GPHN: variants seen among roughly 807,000 people sequenced by gnomAD.
GPHN encodes gephyrin.
In GPHN, 17 loss-of-function variants were observed where a neutral mutation model predicts 95.5. The ratio of observed to expected loss-of-function variants is 0.18; its 90% CI spans 0.12 to 0.27. The LOEUF (loss-of-function observed/expected upper bound fraction) is 0.27, where lower values mean the gene tolerates loss of function less well. Among genes scored for constraint, GPHN ranks in the 10% least tolerant of loss-of-function variants. The pLI is 1.00. For missense variants in GPHN, 660 were observed against 978.1 expected (o/e 0.67, Z 4.34); for synonymous variants, 320 against 322.5 (o/e 0.99, Z 0.08).
At chr14:67,286,771 C>T in the GPHN span, among the ~76,000 whole-genome samples, 1 of 147,400 alleles carries the variant, frequency 6.8e-6, no homozygotes, top group African/African-American at 2.5e-5. Context: ...GTGGGAGGAT[C>T]GCTGGAACCT....
At chr14:66,641,654 C>CAA (rs74268127) in intron 1 of GPHN, among the ~76,000 whole-genome samples, 193 of 100,578 alleles carry the variant, frequency 1.9e-3, no homozygotes, top group Middle Eastern at 5.0e-3. Context: ...AAGTAGATGA[C>CAA]AAAAAAAAAA....
chr14:66,978,598 C>A (rs2070420642), intron 9 of GPHN, among the ~76,000 whole-genome samples: 1 of 152,102 alleles, frequency 6.6e-6, no homozygotes, highest in Non-Finnish European at 1.5e-5. Flanking sequence ...AATTGTAGTT[C>A]TTTTGCTATT....
intron 9 of GPHN, among the ~76,000 whole-genome samples, chr14:67,006,854 T>C (rs2072646245): frequency 6.6e-6 from 1 of 152,194 alleles, no homozygotes; most frequent in Non-Finnish European, 1.5e-5. Context: ...ATTTGTGTGC[T>C]GTCTCAAACA....
chr14:67,646,803 C>T, the GPHN span: 21 of 1,469,730 alleles, frequency 1.4e-5, no homozygotes, highest in Non-Finnish European at 1.9e-5. Flanking sequence ...ATTTGAAAGG[C>T]TGATGCTTAA....
chr14:66,734,281 C>T (rs1399589827), intron 2 of GPHN, among the ~76,000 whole-genome samples: 4 of 152,128 alleles, frequency 2.6e-5, no homozygotes, highest in African/African-American at 9.7e-5. Context: ...TCTCCAATCT[C>T]ATCTCATCAC....
At chr14:67,269,962 A>T in the GPHN span, 4,632 of 152,316 alleles carry the variant, frequency 0.03, 86 homozygotes, top group Non-Finnish European at 0.036. Context: ...GGATGAATTT[A>T]AAAAATTCTA....
At chr14:66,807,051 G>A (rs2060573542) in intron 3 of GPHN, among the ~76,000 whole-genome samples, 1 of 152,132 alleles carries the variant, frequency 6.6e-6, no homozygotes, top group Non-Finnish European at 1.5e-5. Flanking sequence ...GACGTTTATT[G>A]GACTTACAGT....
chr14:66,929,203 G>A (rs966245503), intron 8 of GPHN, among the ~76,000 whole-genome samples: 2 of 151,584 alleles, frequency 1.3e-5, no homozygotes, highest in South Asian at 2.1e-4. Context: ...TTACAGGCAC[G>A]CGCCACCGTG....
chr14:66,516,737 T>C (rs2058260697), intron 1 of GPHN, among the ~76,000 whole-genome samples: 1 of 152,236 alleles, frequency 6.6e-6, no homozygotes, highest in Non-Finnish European at 1.5e-5. Context: ...AAATGTTTCT[T>C]TTAATTATTT....
At chr14:67,046,985 T>C (rs898285303) in intron 10 of GPHN, among the ~76,000 whole-genome samples, 8 of 152,146 alleles carry the variant, frequency 5.3e-5, no homozygotes, top group African/African-American at 1.9e-4. Flanking sequence ...CTCTTTAAGT[T>C]TCCTAGGAAA....
the GPHN span, among the ~76,000 whole-genome samples, chr14:67,720,173 G>A: frequency 5.3e-5 from 8 of 152,202 alleles, no homozygotes; most frequent in South Asian, 1.7e-3. Flanking sequence ...TCTCTCATAT[G>A]AGTGAGGGTG....
chr14:67,691,865 C>G, the GPHN span: 1 of 154,028 alleles, frequency 6.5e-6, no homozygotes, highest in African/African-American at 2.4e-5. Context: ...CACACACATA[C>G]AAAAATCAAA....
At chr14:66,756,024 T>C (rs1721581238) in intron 2 of GPHN, among the ~76,000 whole-genome samples, 2 of 152,184 alleles carry the variant, frequency 1.3e-5, no homozygotes, top group Non-Finnish European at 1.5e-5. Flanking sequence ...TTATTATAAG[T>C]TGTATAAACA....
At chr14:66,629,791 C>G (rs1356989107) in intron 1 of GPHN, among the ~76,000 whole-genome samples, 1 of 152,106 alleles carries the variant, frequency 6.6e-6, no homozygotes, top group East Asian at 1.9e-4. Context: ...GACTCACCAT[C>G]ATATATGCAG....
intron 8 of GPHN, among the ~76,000 whole-genome samples, chr14:66,959,299 CAG>C (rs2068740492): frequency 6.6e-6 from 1 of 151,826 alleles, no homozygotes; most frequent in Non-Finnish European, 1.5e-5. Flanking sequence ...TTCTTCATGT[CAG>C]AGGATTCACA....
the GPHN span, among the ~76,000 whole-genome samples, chr14:67,356,695 A>AACCT: frequency 6.6e-6 from 1 of 152,228 alleles, no homozygotes. Flanking sequence ...CTAAGGCTCC[A>AACCT]ACCTACGTTC....
chr14:67,395,658 C>T, the GPHN span: 1 of 1,305,822 alleles, frequency 7.7e-7, no homozygotes, highest in Non-Finnish European at 1.1e-6. Context: ...AATGACGGGG[C>T]CCCGGGAGAA....
At chr14:67,515,983 AG>A in the GPHN span, among the ~76,000 whole-genome samples, 1 of 152,260 alleles carries the variant, frequency 6.6e-6, no homozygotes, top group Non-Finnish European at 1.5e-5. Context: ...TATACCATAA[AG>A]GTTACAGAGA....
chr14:66,910,752 C>A (rs1299736554), intron 5 of GPHN, among the ~76,000 whole-genome samples: 1 of 152,052 alleles, frequency 6.6e-6, no homozygotes, highest in Middle Eastern at 3.4e-3. Flanking sequence ...CAATATTTAT[C>A]CTAACTTCCA....
Sources: allele counts gnomAD v4.1 joint callset (sites outside exome capture counted in the v4.1 genomes callset), GRCh38; gene constraint gnomAD v4.1.1; transcripts MANE v1.5; gene names NCBI Gene and HGNC (gene_info 2026-07-23, HGNC 2026-07-21).